ATXN7L1: variants seen among roughly 807,000 people sequenced by gnomAD.
ATXN7L1 encodes the protein ataxin-7-like protein 1.
Under a neutral mutation model 70.8 loss-of-function variants are expected in ATXN7L1, and 15 were observed. The ratio of observed to expected loss-of-function variants is 0.21; its 90% CI spans 0.14 to 0.33. The LOEUF (loss-of-function observed/expected upper bound fraction) is 0.33. ATXN7L1 is among the 10% of genes least tolerant of loss of function. The probability of loss-of-function intolerance (pLI) is 1.00; values close to 1 mark genes in which losing one functional copy is unlikely to be tolerated. For missense variants in ATXN7L1, 975 were observed against 1,097.1 expected (o/e 0.89, Z 1.57); for synonymous variants, 440 against 445.1 (o/e 0.99, Z 0.14).
At chr7:105,860,564 C>T (rs1158157616) in intron 2 of ATXN7L1, among the ~76,000 whole-genome samples, 3 of 152,140 alleles carry the variant, frequency 2.0e-5, no homozygotes, top group Non-Finnish European at 2.9e-5. Context: ...CATCTCCAGA[C>T]TGACTTTTTA....
chr7:105,819,695 A>C, intron 2 of ATXN7L1: 1 of 921,258 alleles, frequency 1.1e-6, no homozygotes, highest in Non-Finnish European at 1.8e-6. Context: ...ACCCTTCCCG[A>C]GGCCCCTACC....
At chr7:105,761,480 C>G (rs757030189) in intron 3 of ATXN7L1, 1 of 1,613,868 alleles carries the variant, frequency 6.2e-7, no homozygotes, top group East Asian at 2.2e-5. Context: ...AAAGTAAATG[C>G]TTTGTTGGCA....
chr7:105,641,257 A>G (rs369800400), intron 5 of ATXN7L1, among the ~76,000 whole-genome samples: 4 of 99,660 alleles, frequency 4.0e-5, no homozygotes, highest in African/African-American at 7.7e-5. Flanking sequence ...CTTCACTTAG[A>G]AAAAAAACCT....
intron 3 of ATXN7L1, among the ~76,000 whole-genome samples, chr7:105,684,418 G>C (rs1805912673): frequency 6.6e-6 from 1 of 152,200 alleles, no homozygotes. Flanking sequence ...TCAGAAGGGA[G>C]AGCATTACAG....
chr7:105,850,844 G>T (rs141805230), intron 2 of ATXN7L1, among the ~76,000 whole-genome samples: 115 of 152,276 alleles, frequency 7.6e-4, no homozygotes, highest in Non-Finnish European at 1.3e-3. Flanking sequence ...GGCTGAGCTG[G>T]AGGACAAGAT....
At chr7:105,820,126 CAAAA>C (rs562797891) in intron 2 of ATXN7L1, 12 of 64,300 alleles carry the variant, frequency 1.9e-4, no homozygotes, top group East Asian at 3.6e-4. Flanking sequence ...GTTTATTCCT[CAAAA>C]AAAAAAAAAA....
In ATXN7L1 at chr7:105,692,407, T is replaced by TCCCTCCC. The variant is rs1554431616; in HGVS notation, c.356-27120_356-27119insGGGAGGG. On this transcript the variant is annotated intron_variant, in intron 3 of 11. Coordinates refer to ENST00000419735, the MANE Select transcript of ATXN7L1 (RefSeq NM_020725.2). ...CTTCCTTCCTTCCTTCCTTCCTTCC[T>TCCCTCCC]TCCTTCCTTCCTTCCTTCCTCCCTC... 6.9e-3 allele frequency among the ~76,000 whole-genome samples: 567 copies of TCCCTCCC among 82,284 alleles called. 4 individuals are homozygous for TCCCTCCC. Among genetic ancestry groups the TCCCTCCC allele is most frequent in the East Asian group, 0.022 (62 of 2,868 alleles). The allele number at this position is 82,284 out of a possible 152,430, so 54.0% of individuals were successfully genotyped here.
At chr7:105,876,019 C>G (rs1006398738) in intron 1 of ATXN7L1, 139 bp from the exon 2 acceptor site, 1 of 851,550 alleles carries the variant, frequency 1.2e-6, no homozygotes, top group African/African-American at 1.7e-5. Context: ...CAAAAATTGA[C>G]AATGCAACAT....
intron 3 of ATXN7L1, among the ~76,000 whole-genome samples, chr7:105,733,568 TTC>T (rs1796888382): frequency 7.7e-5 from 2 of 25,936 alleles, no homozygotes; most frequent in Non-Finnish European, 1.5e-4. Flanking sequence ...CCATCCATCC[TTC>T]CATCCATCCA....
At chr7:105,792,478 G>C (rs1183141776) in intron 2 of ATXN7L1, among the ~76,000 whole-genome samples, 4 of 152,194 alleles carry the variant, frequency 2.6e-5, no homozygotes, top group Admixed American at 2.0e-4. Context: ...AATGCGGGCT[G>C]GGGGACAAAG....
chr7:105,759,056 A>G (rs1250146168), intron 3 of ATXN7L1, among the ~76,000 whole-genome samples: 1 of 152,012 alleles, frequency 6.6e-6, no homozygotes, highest in Admixed American at 6.6e-5. Flanking sequence ...CCATAAACCC[A>G]TGTAACACAT....
chr7:105,753,128 T>C (rs1457439776), intron 3 of ATXN7L1, among the ~76,000 whole-genome samples: 2 of 152,254 alleles, frequency 1.3e-5, no homozygotes, highest in Non-Finnish European at 2.9e-5. Flanking sequence ...CACAGGTGGC[T>C]GAGCTGCTGC....
rs1413189247 is a variant in ATXN7L1, at chr7:105,610,390, C to A, written c.2547+139G>T. 5.4e-6 allele frequency: 4 copies of A among 735,548 alleles called. No individual in the cohort carries two copies. In the Admixed American group the frequency reaches 1.1e-4, roughly 21 times the overall value. 45.6% of individuals were successfully genotyped at this position (735,548 alleles called of 1,614,324 possible). Reference sequence around the variant, plus strand: ...CAAGGGCACACAGCTAACTAGAAGGCCTAGGTTTGGAAGCCAGGTAGCCAT... The same window carrying A: ...CAAGGGCACACAGCTAACTAGAAGGACTAGGTTTGGAAGCCAGGTAGCCAT... On this transcript the variant is annotated intron_variant, in intron 11 of 11. Coordinates refer to ENST00000419735, the MANE Select transcript of ATXN7L1 (RefSeq NM_020725.2).
At chr7:105,621,313 C>A (rs944855954) in intron 8 of ATXN7L1, among the ~76,000 whole-genome samples, 14 of 152,204 alleles carry the variant, frequency 9.2e-5, no homozygotes, top group African/African-American at 3.4e-4. Context: ...TCTGAGTGAT[C>A]TTCCCACTGT....
At chr7:105,819,994 C>T (rs919179341) in intron 2 of ATXN7L1, 3 of 464,874 alleles carry the variant, frequency 6.5e-6, no homozygotes, top group African/African-American at 2.0e-5. Flanking sequence ...GATCCACTAT[C>T]GGAAGAAGAA....
Position 105,850,163 on chromosome 7 carries a change from TCC to T in ATXN7L1, c.250+25647_250+25648del, listed in dbSNP as rs1257299304. Among the ~76,000 whole-genome samples the T allele has an allele frequency of 7.8e-4, 119 of 152,346 alleles. 1 individual carries two copies. Among genetic ancestry groups the T allele is most frequent in the South Asian group, 6.2e-4 (3 of 4,824 alleles). On this transcript the variant is annotated intron_variant, in intron 2 of 11. Transcript: ENST00000419735. ...GAAATATAATGATAAAAAAATACTT[TCC>T]TGTAGAATTAGAGTTGAACTGACAT...
At chr7:105,619,468 T>C (rs1484367531) in intron 9 of ATXN7L1, among the ~76,000 whole-genome samples, 1 of 133,996 alleles carries the variant, frequency 7.5e-6, no homozygotes, top group East Asian at 2.1e-4. Flanking sequence ...AGTTTTGATA[T>C]TGTAGTATTA....
In ATXN7L1 at chr7:105,753,281, A is replaced by C. The variant is rs1445111242; in HGVS notation, c.355+35323T>G. ...CAACTAAGTGGCCACTGGGGTTTGC[A>C]CAAGTCACTTAAATTTTCTAAACCT... On this transcript the variant is annotated intron_variant, in intron 3 of 11. Coordinates refer to ENST00000419735, the MANE Select transcript of ATXN7L1 (RefSeq NM_020725.2). Among the ~76,000 whole-genome samples the C allele has an allele frequency of 2.0e-5, 3 of 152,250 alleles. No homozygotes were observed. The East Asian group carries it at 5.8e-4, about 29-fold the overall frequency.
At chr7:105,865,358 T>C (rs763650420) in intron 2 of ATXN7L1, among the ~76,000 whole-genome samples, 23 of 152,196 alleles carry the variant, frequency 1.5e-4, no homozygotes, top group Admixed American at 4.6e-4. Context: ...CAATGAACCT[T>C]TTTGTGTGTG....
Sources: gnomAD v4.1 joint callset for allele counts (sites outside exome capture counted in the v4.1 genomes callset) on GRCh38, gnomAD v4.1.1 for gene constraint, MANE v1.5 for transcripts, NCBI Gene and HGNC (gene_info 2026-07-23, HGNC 2026-07-21) for gene names.